The following P2RY10 variants were observed in gnomAD, a reference collection of about 807,000 sequenced individuals.
The protein encoded by P2RY10 is P2Y receptor family member 10.
In P2RY10, 4 loss-of-function variants were observed where a neutral mutation model predicts 12.1. That is an observed-to-expected ratio of 0.33 (90% CI 0.16 to 0.76). The LOEUF (loss-of-function observed/expected upper bound fraction) is 0.76, where lower values mean the gene tolerates loss of function less well. Ranked by LOEUF, P2RY10 falls within the 30% of genes least tolerant of loss-of-function variation. P2RY10 has a pLI of 0.61. For missense variants in P2RY10, 233 were observed against 264.6 expected, an observed-to-expected ratio of 0.88 and a Z score of 0.83; for synonymous variants, 112 against 94.1, an observed-to-expected ratio of 1.19 and a Z score of -1.10.
chrX:78,949,788 G>A lies in P2RY10; in HGVS notation c.-157+1925G>A, dbSNP rs182390102. ...ATCTCATGTCAACCAGGCTTATTTG[G>A]AGTTGATGTAGATTTATTCAGGAAA... is the stretch of plus-strand genomic sequence containing the variant. On this transcript the variant is annotated intron_variant, in intron 2 of 3. Coordinates refer to ENST00000171757, the MANE Select transcript of P2RY10 (RefSeq NM_014499.4). 6.2e-5 allele frequency among the ~76,000 whole-genome samples: 7 copies of A among 112,065 alleles called. No individual in the cohort carries two copies. The East Asian group carries it at 1.9e-3, about 31-fold the overall frequency.
chrX:78,959,666 C>T lies in P2RY10; in HGVS notation c.-13-842C>T, dbSNP rs747717928. Among the ~76,000 whole-genome samples the T allele has an allele frequency of 2.7e-5, 3 of 111,578 alleles. No individual in the cohort carries two copies. The Admixed American group carries it at 2.8e-4, about 11-fold the overall frequency. ...TTTCAGTGGCCCTGTTTTGCTAGTG[C>T]CCAAAGCATTGCTAGTGCCCACAAG... On this transcript the variant is annotated intron_variant, in intron 3 of 3. Transcript: ENST00000171757.
At chrX:78,946,468 C>A (rs1029342090) in intron 1 of P2RY10, among the ~76,000 whole-genome samples, 1 of 111,751 alleles carries the variant, frequency 8.9e-6, no homozygotes, top group Non-Finnish European at 1.9e-5. Context: ...CATTTGGAAC[C>A]AGGATAAGGC....
chrX:78,951,339 G>A (rs1238213078), intron 2 of P2RY10, among the ~76,000 whole-genome samples: 1 of 112,059 alleles, frequency 8.9e-6, no homozygotes, highest in Admixed American at 9.5e-5. Context: ...TAGGTGTTCA[G>A]ATTTCTTAGA....
chrX:78,959,129 C>T (rs1445403756), intron 3 of P2RY10, among the ~76,000 whole-genome samples: 1 of 111,423 alleles, frequency 9.0e-6, no homozygotes, highest in Non-Finnish European at 1.9e-5. Context: ...ACTTCTAGCT[C>T]GAAATACAGT....
chrX:78,957,575 A>G (rs946704648), intron 3 of P2RY10, among the ~76,000 whole-genome samples: 15 of 111,102 alleles, frequency 1.4e-4, no homozygotes, highest in Non-Finnish European at 1.5e-4. Flanking sequence ...AAGAGAGTCT[A>G]TGTTTCTGCT....
rs1417648478 is a variant in P2RY10, at chrX:78,962,668, A to G, written c.*1128A>G. 9.0e-6 allele frequency among the ~76,000 whole-genome samples: 1 copy of G among 111,228 alleles called. No individual in the cohort carries two copies. The highest frequency in any genetic ancestry group is 3.3e-5 in the African/African-American group (1 of 30,588). ...AGATGCGTTGTCCTAATACTGTTCC[A>G]AGGTAGAGAATCCTGATGATAAGGA... On this transcript the variant is annotated 3_prime_UTR_variant, in exon 4 of 4. Transcript: ENST00000171757.
rs1259303646 is a variant in P2RY10, at chrX:78,962,375, A to G, written c.*835A>G. Reference sequence around the variant, plus strand: ...CAAATGAATAAATGGAACTTCAGAGAGGTTAAGCAATTTGCCTCAGGATCA... The same window carrying G: ...CAAATGAATAAATGGAACTTCAGAGGGGTTAAGCAATTTGCCTCAGGATCA... On this transcript the variant is annotated 3_prime_UTR_variant, in exon 4 of 4. Transcript: ENST00000171757. 8.9e-6 allele frequency among the ~76,000 whole-genome samples: 1 copy of G among 111,958 alleles called. No homozygotes were observed. Among genetic ancestry groups the G allele is most frequent in the Non-Finnish European group, 1.9e-5 (1 of 53,238 alleles).
chrX:78,953,940 C>A (rs1922219123), intron 3 of P2RY10, among the ~76,000 whole-genome samples: 1 of 112,223 alleles, frequency 8.9e-6, no homozygotes, highest in Admixed American at 9.4e-5. Flanking sequence ...TCTCAACTCA[C>A]TGCAACATCT....
At position 78,963,513 on chromosome X, in the gene P2RY10, C is replaced by T. The variant is rs1289513315; in HGVS notation, c.*1973C>T. Among the ~76,000 whole-genome samples the T allele has an allele frequency of 8.9e-6, 1 of 112,205 alleles. No homozygotes were observed. Among genetic ancestry groups the T allele is most frequent in the Non-Finnish European group, 1.9e-5 (1 of 53,242 alleles). ...GTCTGTGGAGAAATGGAACTGCAAT[C>T]CTCAAGAGTCACACTTCATATTCCT... On this transcript the variant is annotated 3_prime_UTR_variant, in exon 4 of 4. Coordinates refer to ENST00000171757, the MANE Select transcript of P2RY10 (RefSeq NM_014499.4).
At chrX:78,947,251 T>C (rs1278055034) in intron 1 of P2RY10, among the ~76,000 whole-genome samples, 1 of 111,040 alleles carries the variant, frequency 9.0e-6, no homozygotes, top group Admixed American at 9.5e-5. Context: ...TGCCTATCTA[T>C]ACTATAGCTC....
rs1555965494 is a variant in P2RY10, at chrX:78,957,387, C to CAGAGAG, written c.-13-3094_-13-3089dup. 3.4e-4 allele frequency among the ~76,000 whole-genome samples: 26 copies of CAGAGAG among 75,823 alleles called. 1 individual carries two copies. The highest frequency in any genetic ancestry group is 1.2e-3 in the Admixed American group (8 of 6,845). 65.8% of individuals were successfully genotyped at this position (75,823 alleles called of 115,157 possible). On this transcript the variant is annotated intron_variant, in intron 3 of 3. Coordinates refer to ENST00000171757, the MANE Select transcript of P2RY10 (RefSeq NM_014499.4). Reference sequence around the variant, plus strand: ...ACACACACACACACACACACACACACAGAGAGAGAGAGAGAGAGAGAGAGA... The same window carrying CAGAGAG: ...ACACACACACACACACACACACACACAGAGAGAGAGAGAGAGAGAGAGAGAGAGAGA...
Position 78,961,161 on chromosome X carries a change from T to A in P2RY10, c.641T>A (p.Ile214Asn), listed in dbSNP as rs1216938696. Reference protein sequence around the residue: ...LAGFVIPVIIIAWCTWKTTIS... With the variant: ...LAGFVIPVIINAWCTWKTTIS... Reference sequence around the variant, plus strand: ...GGATTTGTGATCCCAGTGATCATCATCGCATGGTGTACCTGGAAAACTACT... The same window carrying A: ...GGATTTGTGATCCCAGTGATCATCAACGCATGGTGTACCTGGAAAACTACT... Residue 214 changes from isoleucine (I) to asparagine (N), a missense_variant, in exon 4 of 4, where the codon ATC (isoleucine) becomes AAC (asparagine). Coordinates refer to ENST00000171757, the MANE Select transcript of P2RY10 (RefSeq NM_014499.4). 8.3e-7 allele frequency: 1 copy of A among 1,209,286 alleles called. No individual in the cohort carries two copies. Among genetic ancestry groups the A allele is most frequent in the African/African-American group, 1.8e-5 (1 of 57,110 alleles).
chrX:78,963,190 A>G lies in P2RY10; in HGVS notation c.*1650A>G, dbSNP rs1403023698. On this transcript the variant is annotated 3_prime_UTR_variant, in exon 4 of 4. Coordinates refer to ENST00000171757, the MANE Select transcript of P2RY10 (RefSeq NM_014499.4). ...ATTTGGTGTGAAGGGAGGAGAAAGG[A>G]AGTAGTAGTTCTGAGAATATTCATT... Among the ~76,000 whole-genome samples, 2 of 112,010 alleles carry G rather than the reference A, an allele frequency of 1.8e-5. No homozygotes were observed. The highest frequency in any genetic ancestry group is 3.8e-5 in the Non-Finnish European group (2 of 53,206).
At chrX:78,957,962 C>T (rs892323936) in intron 3 of P2RY10, among the ~76,000 whole-genome samples, 1 of 111,998 alleles carries the variant, frequency 8.9e-6, no homozygotes, top group African/African-American at 3.2e-5. Flanking sequence ...AGTGTGACTG[C>T]AGGAGAGTAA....
chrX:78,957,861 G>T (rs771040109), intron 3 of P2RY10, among the ~76,000 whole-genome samples: 11 of 112,421 alleles, frequency 9.8e-5, no homozygotes, highest in Admixed American at 2.8e-4. Context: ...TAACAGGGAG[G>T]TGTGAACAGA....
At position 78,961,647 on chromosome X, in the gene P2RY10, G is replaced by A; in HGVS notation, c.*107G>A. 1 of 587,441 alleles carries A rather than the reference G, an allele frequency of 1.7e-6. No homozygotes were observed. Among genetic ancestry groups the A allele is most frequent in the Non-Finnish European group, 2.7e-6 (1 of 366,479 alleles). 48.4% of individuals were successfully genotyped at this position (587,441 alleles called of 1,213,427 possible). On this transcript the variant is annotated 3_prime_UTR_variant, in exon 4 of 4. Coordinates refer to ENST00000171757, the MANE Select transcript of P2RY10 (RefSeq NM_014499.4). ...CTTTAATTGAACATTGTAAAAAACA[G>A]GAATAAGTACTTTTGTGTAATATTC...
intron 2 of P2RY10, among the ~76,000 whole-genome samples, chrX:78,950,181 G>A (rs1482499812): frequency 9.0e-6 from 1 of 111,240 alleles, no homozygotes; most frequent in Non-Finnish European, 1.9e-5. Context: ...TGAAAAGACA[G>A]GGAAGATTGA....
At chrX:78,956,012 G>A (rs941828724) in intron 3 of P2RY10, among the ~76,000 whole-genome samples, 4 of 111,786 alleles carry the variant, frequency 3.6e-5, no homozygotes, top group African/African-American at 1.3e-4. Flanking sequence ...TACAGACGCA[G>A]CCTCCTCACT....
At chrX:78,955,924 T>A (rs1410187157) in intron 3 of P2RY10, among the ~76,000 whole-genome samples, 1 of 111,140 alleles carries the variant, frequency 9.0e-6, no homozygotes, top group African/African-American at 3.3e-5. Context: ...GCAGCCAAAG[T>A]CCTCAAAAAG....
Sources: gnomAD v4.1 joint callset for allele counts (sites outside exome capture counted in the v4.1 genomes callset) on GRCh38, gnomAD v4.1.1 for gene constraint, MANE v1.5 for transcripts, NCBI Gene and HGNC (gene_info 2026-07-23, HGNC 2026-07-21) for gene names.